Variants in LRRC58 observed in about 807,000 individuals in gnomAD.
LRRC58 encodes leucine-rich repeat-containing protein 58.
A neutral mutation model predicts 30.6 loss-of-function variants in LRRC58; 18 were observed. That is an observed-to-expected ratio of 0.59 (90% CI 0.41 to 0.87). The LOEUF (loss-of-function observed/expected upper bound fraction) is 0.87, where lower values mean the gene tolerates loss of function less well. Ranked by LOEUF, LRRC58 falls within the 40% of genes least tolerant of loss-of-function variation. The pLI is 0.00. For synonymous variants in LRRC58, 221 were observed against 206.0 expected (o/e 1.07, Z -0.62); for missense variants, 420 against 468.4 (o/e 0.90, Z 0.95).
chr3:120,335,848 T>C lies in LRRC58; in HGVS notation c.606A>G (p.Gln202=), dbSNP rs778546784. The C allele has an allele frequency of 1.2e-6, 2 of 1,611,612 alleles. No individual in the cohort carries two copies. Among genetic ancestry groups the C allele is most frequent in the African/African-American group, 2.7e-5 (2 of 74,864 alleles). Residue 202 remains glutamine, a synonymous_variant, in exon 2 of 4, where the codon CAA becomes CAG. Transcript: ENST00000295628. The part of the protein sequence containing the change: ...NYLVLCDNKI[Q]SIPPQLSQLH... Reference sequence around the variant, plus strand: ...ACTGTGAAAGTTGAGGAGGTATGCTTTGGATTTTGTTGTCACATAATACCA... The same window carrying C: ...ACTGTGAAAGTTGAGGAGGTATGCTCTGGATTTTGTTGTCACATAATACCA...
Position 120,326,863 on chromosome 3 carries a change from T to C in LRRC58, c.*4337A>G, listed in dbSNP as rs575817260. On this transcript the variant is annotated 3_prime_UTR_variant, in exon 4 of 4. Coordinates refer to ENST00000295628, the MANE Select transcript of LRRC58 (RefSeq NM_001099678.2). ...TTTTACATAGCTACTGCTAAAATGC[T>C]TTAAAAGACCAAATTTTATTTGCAC... 3 of 152,366 alleles carry C rather than the reference T, an allele frequency of 2.0e-5. No individual in the cohort carries two copies. The highest frequency in any genetic ancestry group is 7.2e-5 in the African/African-American group (3 of 41,598). The allele number at this position is 152,366 out of a possible 1,614,324, so 9.4% of individuals were successfully genotyped here.
intron 1 of LRRC58, among the ~76,000 whole-genome samples, chr3:120,336,444 T>A (rs923729): frequency 0.12 from 18,067 of 152,144 alleles, 1,173 homozygotes; most frequent in African/African-American, 0.16. Context: ...AAATTCATCT[T>A]GAGGAATCAA....
intron 1 of LRRC58, among the ~76,000 whole-genome samples, chr3:120,341,626 C>T (rs563716920): frequency 1.3e-5 from 2 of 152,234 alleles, no homozygotes; most frequent in South Asian, 2.1e-4. Flanking sequence ...GTGGAGCCCT[C>T]GTTAATGGGA....
chr3:120,349,272 G>A lies in LRRC58; in HGVS notation c.-29C>T, dbSNP rs1006205171. ...GGCCACCGCACGGCGCGTGGCGCCG[G>A]ATTCCCCAGAGCGCCGCGCGCGGTC... On this transcript the variant is annotated 5_prime_UTR_variant, in exon 1 of 4. Transcript: ENST00000295628. 5.2e-6 allele frequency: 7 copies of A among 1,356,844 alleles called. No homozygotes were observed. In the African/African-American group the frequency reaches 9.2e-5, roughly 18 times the overall value. 84.1% of individuals were successfully genotyped at this position (1,356,844 alleles called of 1,614,324 possible).
intron 3 of LRRC58, among the ~76,000 whole-genome samples, chr3:120,333,867 C>T (rs914569244): frequency 2.0e-5 from 3 of 152,186 alleles, no homozygotes; most frequent in African/African-American, 7.2e-5. Flanking sequence ...CCACTTTGTA[C>T]TCGCCATCTG....
At position 120,335,120 on chromosome 3, in the gene LRRC58, G is replaced by C; in HGVS notation, c.649C>G (p.Leu217Val). Residue 217 changes from leucine (L) to valine (V), a missense_variant, in exon 3 of 4, where the codon CTA becomes GTA. Leu to Val is a conservative substitution (Grantham distance 32, BLOSUM62 1). This residue lies in a region of LRRC58 where 154 missense variants were observed against 216.8 expected (regional missense o/e 0.71). Coordinates refer to ENST00000295628, the MANE Select transcript of LRRC58 (RefSeq NM_001099678.2). Reference sequence around the variant, plus strand: ...GTCAGCAAGTTATTGTGAAGACTTAGGGAACGAAGTGAATGTAACCTAGAA... The same window carrying C: ...GTCAGCAAGTTATTGTGAAGACTTACGGAACGAAGTGAATGTAACCTAGAA... ...QLSQLHSLRS[L>V]SLHNNLLTYL... The C allele has an allele frequency of 1.9e-6, 3 of 1,613,148 alleles. No individual in the cohort carries two copies. The highest frequency in any genetic ancestry group is 2.5e-6 in the Non-Finnish European group (3 of 1,179,318).
chr3:120,335,373 T>C (rs549473360), intron 2 of LRRC58, among the ~76,000 whole-genome samples: 3 of 152,320 alleles, frequency 2.0e-5, no homozygotes, highest in African/African-American at 7.2e-5. Flanking sequence ...TAGAGAATGT[T>C]CTGATGTGCT....
In LRRC58 at chr3:120,325,244, T is replaced by C. The variant is rs1228767196; in HGVS notation, c.*5956A>G. 1 of 152,224 alleles carries C rather than the reference T, an allele frequency of 6.6e-6. No individual in the cohort carries two copies. The highest frequency in any genetic ancestry group is 1.5e-5 in the Non-Finnish European group (1 of 68,028). The allele number at this position is 152,224 out of a possible 1,614,324, so 9.4% of individuals were successfully genotyped here. ...CTTAAACATAAGCGGTAGACATAAT[T>C]AACCAATTTAGTCATGTTTTTGCAA... On this transcript the variant is annotated 3_prime_UTR_variant, in exon 4 of 4. Transcript: ENST00000295628.
In LRRC58 at chr3:120,329,859, ATTC is replaced by A. The variant is rs1935730032; in HGVS notation, c.*1338_*1340del. 2 of 152,056 alleles carry A rather than the reference ATTC, an allele frequency of 1.3e-5. No homozygotes were observed. Among genetic ancestry groups the A allele is most frequent in the South Asian group, 4.1e-4 (2 of 4,832 alleles). 9.4% of individuals were successfully genotyped at this position (152,056 alleles called of 1,614,324 possible). On this transcript the variant is annotated 3_prime_UTR_variant, in exon 4 of 4. Transcript: ENST00000295628. ...TATATCAACTTATAGTTGTACTATT[ATTC>A]AATTTGTATTGCATATTAAAGTACT...
chr3:120,342,001 C>T (rs1017501775), intron 1 of LRRC58, among the ~76,000 whole-genome samples: 4 of 152,126 alleles, frequency 2.6e-5, no homozygotes, highest in African/African-American at 9.7e-5. Context: ...ATCTCTGCAG[C>T]CTGCACCCTT....
chr3:120,342,029 T>TC (rs944800378), intron 1 of LRRC58, among the ~76,000 whole-genome samples: 7 of 151,816 alleles, frequency 4.6e-5, no homozygotes, highest in African/African-American at 2.4e-5. Context: ...CCAGGAAGGA[T>TC]CCCCCCAACA....
In LRRC58 at chr3:120,334,886, T is replaced by G; in HGVS notation, c.883A>C (p.Asn295His). Residue 295 changes from asparagine to histidine, a missense_variant, in exon 3 of 4, where the codon AAT becomes CAT. Asn to His is a moderately conservative substitution (Grantham distance 68). Coordinates refer to ENST00000295628, the MANE Select transcript of LRRC58 (RefSeq NM_001099678.2). ...NLLRYLGSAS[N>H]CPNPKCGGVY... Reference sequence around the variant, plus strand: ...CCTCCACACTTTGGGTTTGGGCAATTGCTGGCTGAACCCAAGTATCTAAGA... The same window carrying G: ...CCTCCACACTTTGGGTTTGGGCAATGGCTGGCTGAACCCAAGTATCTAAGA... 1 of 1,613,696 alleles carries G rather than the reference T, an allele frequency of 6.2e-7. No individual in the cohort carries two copies. Among genetic ancestry groups the G allele is most frequent in the Non-Finnish European group, 8.5e-7 (1 of 1,179,766 alleles).
chr3:120,324,568 A>G lies in LRRC58; in HGVS notation c.*6632T>C, dbSNP rs1000877001. 6.6e-6 allele frequency: 1 copy of G among 152,378 alleles called. No individual in the cohort carries two copies. The highest frequency in any genetic ancestry group is 2.1e-4 in the South Asian group (1 of 4,832). The allele number at this position is 152,378 out of a possible 1,614,324, so 9.4% of individuals were successfully genotyped here. A position where few individuals can be genotyped will look rare whatever the true frequency, so the allele number is the denominator to read the frequency against. On this transcript the variant is annotated 3_prime_UTR_variant, in exon 4 of 4. Transcript: ENST00000295628. The stretch of plus-strand genomic sequence containing the variant: ...TGATGTAACAAGTAATCAGGCAAAT[A>G]TCAACATTATAGAGACTTTAATATA...
intron 3 of LRRC58, among the ~76,000 whole-genome samples, chr3:120,332,878 TAGCTGGGACGACA>T (rs1313049762): frequency 6.6e-6 from 1 of 151,856 alleles, no homozygotes. Flanking sequence ...GCCTCCTGAG[TAGCTGGGACGACA>T]AGCACATGCC....
At chr3:120,344,168 C>A (rs1163055802) in intron 1 of LRRC58, among the ~76,000 whole-genome samples, 1 of 151,734 alleles carries the variant, frequency 6.6e-6, no homozygotes, top group Non-Finnish European at 1.5e-5. Flanking sequence ...TAGGAATGTA[C>A]AAAGAAGTAG....
Position 120,349,353 on chromosome 3 carries a change from G to A in LRRC58, c.-110C>T. On this transcript the variant is annotated 5_prime_UTR_variant, in exon 1 of 4. Transcript: ENST00000295628. The stretch of plus-strand genomic sequence containing the variant: ...ACCTGAACCGAGGGCTGAGTCGGAA[G>A]TGGCGCGGGCGGGCGCAAACCCTGC... 3 of 1,183,168 alleles carry A rather than the reference G, an allele frequency of 2.5e-6. No individual in the cohort carries two copies. The highest frequency in any genetic ancestry group is 4.9e-5 in the South Asian group (2 of 41,032). 73.3% of individuals were successfully genotyped at this position (1,183,168 alleles called of 1,614,324 possible).
intron 3 of LRRC58, among the ~76,000 whole-genome samples, chr3:120,333,166 C>T (rs1426557716): frequency 6.6e-6 from 1 of 151,948 alleles, no homozygotes; most frequent in African/African-American, 2.4e-5. Flanking sequence ...TACAGACAGG[C>T]ATGAGCCACC....
intron 3 of LRRC58, among the ~76,000 whole-genome samples, chr3:120,332,492 T>C (rs765224929): frequency 3.3e-4 from 51 of 152,266 alleles, no homozygotes; most frequent in Middle Eastern, 6.8e-3. Flanking sequence ...TGGTCAGTCA[T>C]AGACCGATAA....
At chr3:120,331,992 C>T (rs1935763607) in intron 3 of LRRC58, among the ~76,000 whole-genome samples, 1 of 152,194 alleles carries the variant, frequency 6.6e-6, no homozygotes, top group Non-Finnish European at 1.5e-5. Flanking sequence ...TACAATTACA[C>T]ATCGTCAGGT....
Sources: allele counts gnomAD v4.1 joint callset (sites outside exome capture counted in the v4.1 genomes callset), GRCh38; gene constraint gnomAD v4.1.1; regional missense constraint gnomAD v4.1.1; transcripts MANE v1.5; gene names NCBI Gene and HGNC (gene_info 2026-07-23, HGNC 2026-07-21).